Variants in TRMT11 observed in about 807,000 individuals in gnomAD.
TRMT11 encodes the protein tRNA methyltransferase 11, also known as tRNA (guanine(10)-N(2))-methyltransferase TRMT11.
In TRMT11, 53 loss-of-function variants were observed where a neutral mutation model predicts 62.8. The observed-to-expected ratio is 0.84, with a 90% CI of 0.68 to 1.06. The LOEUF (loss-of-function observed/expected upper bound fraction) is 1.06. Among genes scored for constraint, TRMT11 ranks in the 50% least tolerant of loss-of-function variants. The pLI, the probability that TRMT11 is intolerant of heterozygous loss-of-function variation, is 0.00. For synonymous variants in TRMT11, 188 were observed against 190.3 expected (o/e 0.99, Z 0.10); for missense variants, 556 against 553.4 (o/e 1.00, Z -0.05).
chr6:126,135,746 T>G (rs1409862908), intron 21 of TRMT11, among the ~76,000 whole-genome samples: 4 of 151,620 alleles, frequency 2.6e-5, no homozygotes, highest in Non-Finnish European at 5.9e-5. Context: ...CCAAAAATAC[T>G]AGCAAACAGA....
Position 126,104,474 on chromosome 6 carries a change from AATGGATGG to A in TRMT11, c.*1438-8390_*1438-8383del, listed in dbSNP as rs1777440994. ...CTGAGGTTGAGCCACAGCTGTGAAGAATGGATGGACCAACATACAGGTGGGCCCAGTTA... is the reference window on the plus strand; with the variant it reads ...CTGAGGTTGAGCCACAGCTGTGAAGAACCAACATACAGGTGGGCCCAGTTA... On this transcript the variant is annotated intron_variant and NMD_transcript_variant, in intron 17 of 22. Coordinates refer to the TRMT11 transcript ENST00000648977. Among the ~76,000 whole-genome samples the A allele has an allele frequency of 2.6e-5, 4 of 152,176 alleles. No individual in the cohort carries two copies. The South Asian group carries it at 8.3e-4, about 32-fold the overall frequency.
intron 11 of TRMT11, among the ~76,000 whole-genome samples, chr6:126,019,713 G>A (rs1339024197): frequency 6.6e-6 from 1 of 152,100 alleles, no homozygotes; most frequent in East Asian, 1.9e-4. Context: ...CAACCATGGT[G>A]TAGAATATAT....
the TRMT11 span, among the ~76,000 whole-genome samples, chr6:126,237,065 TAGAGAGAG>T: frequency 1.3e-3 from 188 of 142,564 alleles, 1 homozygote; most frequent in African/African-American, 4.3e-3. Flanking sequence ...CTCCTAGAGA[TAGAGAGAG>T]AGAGAGAGAG....
chr6:126,011,486 A>G, intron 9 of TRMT11, 69 bp downstream of exon 9: 3 of 1,370,950 alleles, frequency 2.2e-6, no homozygotes, highest in South Asian at 1.3e-5. Flanking sequence ...TTAAAGTACA[A>G]AATTTACCAA....
chr6:126,022,404 A>G (rs1182504732), intron 12 of TRMT11, among the ~76,000 whole-genome samples: 1 of 151,962 alleles, frequency 6.6e-6, no homozygotes, highest in Admixed American at 6.6e-5. Flanking sequence ...TATAGTTCCC[A>G]TCTTACGGAT....
intron 17 of TRMT11, among the ~76,000 whole-genome samples, chr6:126,067,519 GTTC>G (rs1776727894): frequency 1.3e-5 from 2 of 152,166 alleles, no homozygotes; most frequent in Non-Finnish European, 2.9e-5. Flanking sequence ...GTTTATTCAT[GTTC>G]TTTGTTGTGT....
downstream of TRMT11, among the ~76,000 whole-genome samples, chr6:126,207,986 G>A (rs181533836): frequency 2.2e-3 from 333 of 152,250 alleles, no homozygotes; most frequent in Non-Finnish European, 3.9e-3. Flanking sequence ...AAGCAGCTTA[G>A]ACTAATTTTA....
intron 3 of TRMT11, 136 bp from the exon 4 acceptor site, chr6:125,997,917 A>AT (rs1791825430): frequency 6.6e-6 from 4 of 603,868 alleles, no homozygotes; most frequent in Non-Finnish European, 2.9e-6. Context: ...TATCTAAAAT[A>AT]ACCGATTCAT....
rs148516315 is a variant in TRMT11, at chr6:126,187,895, T to C, written n.143+10560T>C. Among the ~76,000 whole-genome samples, 8 of 151,074 alleles carry C rather than the reference T, an allele frequency of 5.3e-5. No homozygotes were observed. The East Asian group carries it at 1.5e-3, about 29-fold the overall frequency. ...AGAGGAAAGGAATCTTTTTAAGAAA[T>C]GGCAATGGAACAATTCACTATTCTT... On this transcript the variant is annotated intron_variant and non_coding_transcript_variant, in intron 1 of 3. Transcript: ENST00000444229.
chr6:126,083,943 T>A (rs1049549703), intron 17 of TRMT11, among the ~76,000 whole-genome samples: 2 of 152,182 alleles, frequency 1.3e-5, no homozygotes, highest in African/African-American at 4.8e-5. Flanking sequence ...TAGGACTGAC[T>A]AATATTCCAT....
At chr6:126,057,431 A>G (rs747982654) in intron 17 of TRMT11, among the ~76,000 whole-genome samples, 6 of 152,228 alleles carry the variant, frequency 3.9e-5, no homozygotes, top group Non-Finnish European at 8.8e-5. Flanking sequence ...TGATTGTATT[A>G]GCTGCCCTAT....
At chr6:126,136,192 A>T (rs1777847574) in intron 21 of TRMT11, among the ~76,000 whole-genome samples, 1 of 151,596 alleles carries the variant, frequency 6.6e-6, no homozygotes, top group Admixed American at 6.6e-5. Context: ...GCAGGAAGTC[A>T]AATTATTATT....
intron 12 of TRMT11, among the ~76,000 whole-genome samples, chr6:126,031,660 C>T (rs1430617334): frequency 6.6e-6 from 1 of 152,108 alleles, no homozygotes; most frequent in African/African-American, 2.4e-5. Context: ...AAATACTGAG[C>T]AGTGGGGGAG....
chr6:126,135,682 A>G (rs569588228), intron 21 of TRMT11, among the ~76,000 whole-genome samples: 3 of 151,934 alleles, frequency 2.0e-5, no homozygotes, highest in African/African-American at 2.4e-5. Flanking sequence ...AGACACACAC[A>G]CAAAGTAAAA....
chr6:126,253,252 T>G, the TRMT11 span, among the ~76,000 whole-genome samples: 1 of 152,216 alleles, frequency 6.6e-6, no homozygotes, highest in Non-Finnish European at 1.5e-5. Context: ...TTGCTCATCT[T>G]GTCCCACAGG....
chr6:126,187,006 T>C (rs1445293669), intron 1 of TRMT11, among the ~76,000 whole-genome samples: 1 of 152,046 alleles, frequency 6.6e-6, no homozygotes, highest in East Asian at 1.9e-4. Flanking sequence ...TAAAAAAGCT[T>C]ACAGTTAATA....
At chr6:126,014,637 C>T (rs1232846029) in intron 11 of TRMT11, among the ~76,000 whole-genome samples, 1 of 152,196 alleles carries the variant, frequency 6.6e-6, no homozygotes, top group Non-Finnish European at 1.5e-5. Flanking sequence ...GGACCCTCAG[C>T]TATTTCTTGT....
At chr6:125,988,768 G>A (rs746649513) in intron 1 of TRMT11, among the ~76,000 whole-genome samples, 5 of 152,142 alleles carry the variant, frequency 3.3e-5, no homozygotes, top group Admixed American at 6.5e-5. Context: ...GGTGAAAGTC[G>A]TATATCTGTA....
At chr6:126,036,726 T>G (rs1775260548) in intron 12 of TRMT11, among the ~76,000 whole-genome samples, 2 of 152,118 alleles carry the variant, frequency 1.3e-5, no homozygotes, top group Non-Finnish European at 2.9e-5. Context: ...AGTTTTCTAG[T>G]GATCTTACTG....
Sources: allele counts gnomAD v4.1 joint callset (sites outside exome capture counted in the v4.1 genomes callset), GRCh38; gene constraint gnomAD v4.1.1; transcripts MANE v1.5; gene names NCBI Gene and HGNC (gene_info 2026-07-23, HGNC 2026-07-21).